CEP63: variants seen among roughly 807,000 people sequenced by gnomAD.
The protein encoded by CEP63 is centrosomal protein 63.
In CEP63, 84 loss-of-function variants were observed where a neutral mutation model predicts 89.1. The ratio of observed to expected loss-of-function variants is 0.94; its 90% confidence interval spans 0.79 to 1.13. The LOEUF is 1.13. CEP63 is among the 50% of genes most tolerant of loss of function. The probability of loss-of-function intolerance (pLI) is 0.00; values close to 1 mark genes in which losing one functional copy is unlikely to be tolerated. For synonymous variants in CEP63, 267 were observed against 272.5 expected, an observed-to-expected ratio of 0.98 and a Z score of 0.20; for missense variants, 838 against 813.3, an observed-to-expected ratio of 1.03 and a Z score of -0.37.
the CEP63 span, among the ~76,000 whole-genome samples, chr3:134,695,504 G>A: frequency 6.6e-6 from 1 of 152,224 alleles, no homozygotes. Flanking sequence ...GGAGGACACT[G>A]TGGCCCATCT....
chr3:134,698,312 G>A, the CEP63 span, among the ~76,000 whole-genome samples: 1 of 152,218 alleles, frequency 6.6e-6, no homozygotes, highest in Non-Finnish European at 1.5e-5. Context: ...CTACAGAGCT[G>A]GCAAAGGGGC....
chr3:134,603,479 G>A, the CEP63 span: 8 of 1,056,236 alleles, frequency 7.6e-6, no homozygotes, highest in East Asian at 1.2e-4. Context: ...GGGATTTCAT[G>A]CAGACTCAGT....
chr3:134,592,607 C>G (rs1291086349), downstream of CEP63, among the ~76,000 whole-genome samples: 1 of 151,110 alleles, frequency 6.6e-6, no homozygotes, highest in East Asian at 2.0e-4. Context: ...TACCTGTAGG[C>G]CTTTTTTCTT....
the CEP63 span, among the ~76,000 whole-genome samples, chr3:134,766,759 T>C: frequency 1.3e-5 from 2 of 152,198 alleles, no homozygotes; most frequent in African/African-American, 2.4e-5. Flanking sequence ...GGAGGGCAGA[T>C]GGAGCAGGCT....
the CEP63 span, among the ~76,000 whole-genome samples, chr3:134,629,034 C>G: frequency 0.64 from 96,942 of 152,080 alleles, 31,570 homozygotes; most frequent in East Asian, 0.88. Context: ...CCATAAGGTG[C>G]ACAGATGCAG....
At chr3:134,736,545 C>T in the CEP63 span, among the ~76,000 whole-genome samples, 1 of 151,954 alleles carries the variant, frequency 6.6e-6, no homozygotes, top group East Asian at 1.9e-4. Flanking sequence ...TTAAAAAATA[C>T]AAATTTCAGT....
chr3:134,649,658 G>A, the CEP63 span, among the ~76,000 whole-genome samples: 5 of 152,316 alleles, frequency 3.3e-5, no homozygotes, highest in Middle Eastern at 3.4e-3. Context: ...AGACTAGAGC[G>A]CCTGTCAACA....
At chr3:134,543,331 C>T (rs1952457151) in intron 6 of CEP63, among the ~76,000 whole-genome samples, 1 of 152,148 alleles carries the variant, frequency 6.6e-6, no homozygotes, top group African/African-American at 2.4e-5. Context: ...GTGTGGGTGA[C>T]TGCAATGGTA....
the CEP63 span, among the ~76,000 whole-genome samples, chr3:134,775,538 C>T: frequency 9.2e-5 from 14 of 152,126 alleles, no homozygotes; most frequent in Admixed American, 9.2e-4. Flanking sequence ...GAAGTGTTGG[C>T]GGCCAATACT....
chr3:134,735,629 C>T, the CEP63 span, among the ~76,000 whole-genome samples: 1 of 152,096 alleles, frequency 6.6e-6, no homozygotes, highest in African/African-American at 2.4e-5. Flanking sequence ...AAATTTTTCA[C>T]CACTTTGAAC....
rs187160012 is a variant in CEP63, at chr3:134,509,175, T to C, written c.222+1889T>C. 2.6e-5 allele frequency among the ~76,000 whole-genome samples: 4 copies of C among 152,346 alleles called. No individual in the cohort carries two copies. In the East Asian group the frequency reaches 7.7e-4, roughly 29 times the overall value. ...AAGAGGTTTAATTGGCTCACAGTTCTGTAGAAACATAGTTGCTTCTGGGGA... is the reference window on the plus strand; with the variant it reads ...AAGAGGTTTAATTGGCTCACAGTTCCGTAGAAACATAGTTGCTTCTGGGGA... On this transcript the variant is annotated intron_variant, in intron 3 of 14. Coordinates refer to ENST00000675561, the MANE Select transcript of CEP63 (RefSeq NM_001353108.3).
chr3:134,635,662 T>C, the CEP63 span, among the ~76,000 whole-genome samples: 2 of 152,134 alleles, frequency 1.3e-5, no homozygotes, highest in Admixed American at 6.5e-5. Flanking sequence ...ACCATAGTGG[T>C]GGTTTCACAA....
At chr3:134,561,243 G>A in intron 14 of CEP63, 134 bp from the exon 15 acceptor site, 1 of 937,642 alleles carries the variant, frequency 1.1e-6, no homozygotes, top group African/African-American at 1.6e-5. Flanking sequence ...TCATTAGGAT[G>A]AAAACCAAAA....
the CEP63 span, among the ~76,000 whole-genome samples, chr3:134,748,258 C>G: frequency 6.6e-6 from 1 of 152,134 alleles, no homozygotes; most frequent in Non-Finnish European, 1.5e-5. Context: ...CTCCTACTCC[C>G]TGGGATCACT....
the CEP63 span, among the ~76,000 whole-genome samples, chr3:134,660,260 G>C: frequency 1.3e-5 from 2 of 152,270 alleles, no homozygotes. Context: ...GGTTGCGATG[G>C]AGGGATGAGC....
In CEP63 at chr3:134,564,817, T is replaced by G; in HGVS notation, c.*3282T>G. ...TGAAACGTTTGTACTACGTGTTGACTAGGAGGAACAATGACAGACTCTGTA... is the reference window on the plus strand; with the variant it reads ...TGAAACGTTTGTACTACGTGTTGACGAGGAGGAACAATGACAGACTCTGTA... On this transcript the variant is annotated 3_prime_UTR_variant, in exon 15 of 15. Transcript: ENST00000675561. 1 of 985,312 alleles carries G rather than the reference T, an allele frequency of 1.0e-6. No individual in the cohort carries two copies. Among genetic ancestry groups the G allele is most frequent in the Non-Finnish European group, 1.2e-6 (1 of 829,844 alleles). 61.0% of individuals were successfully genotyped at this position (985,312 alleles called of 1,614,324 possible).
the CEP63 span, among the ~76,000 whole-genome samples, chr3:134,777,608 A>ATTTTTTTTTT: frequency 1.9e-3 from 190 of 100,174 alleles, 2 homozygotes; most frequent in African/African-American, 7.4e-3. Flanking sequence ...AAAGAATAGA[A>ATTTTTTTTTT]TTTTTTTTTT....
chr3:134,710,211 A>G, the CEP63 span, among the ~76,000 whole-genome samples: 1 of 152,198 alleles, frequency 6.6e-6, no homozygotes, highest in East Asian at 1.9e-4. Context: ...ACCCAGCACA[A>G]CGGGTCGGCT....
chr3:134,734,645 A>G, the CEP63 span, among the ~76,000 whole-genome samples: 1 of 152,228 alleles, frequency 6.6e-6, no homozygotes, highest in Admixed American at 6.5e-5. Flanking sequence ...AATGGCACTC[A>G]CCAATACTGA....
Sources: gnomAD v4.1 joint callset for allele counts (sites outside exome capture counted in the v4.1 genomes callset) on GRCh38, gnomAD v4.1.1 for gene constraint, MANE v1.5 for transcripts, NCBI Gene and HGNC (gene_info 2026-07-23, HGNC 2026-07-21) for gene names.